Variants in GALNT13 observed in about 807,000 individuals in gnomAD.
GALNT13 encodes UDP-GalNAc:polypeptide N-acetylgalactosaminyltransferase 13.
Under a neutral mutation model 64.2 loss-of-function variants are expected in GALNT13, and 28 were observed. The ratio of observed to expected loss-of-function variants is 0.44; its 90% CI spans 0.32 to 0.60. The LOEUF (loss-of-function observed/expected upper bound fraction) is 0.60, where lower values mean the gene tolerates loss of function less well. Among genes scored for constraint, GALNT13 ranks in the 20% least tolerant of loss-of-function variants. The probability of loss-of-function intolerance (pLI) is 0.05; values close to 1 mark genes in which losing one functional copy is unlikely to be tolerated. For synonymous variants in GALNT13, 214 were observed against 224.6 expected (o/e 0.95, Z 0.42); for missense variants, 577 against 669.8 (o/e 0.86, Z 1.53).
At chr2:153,286,412 G>A in the GALNT13 span, among the ~76,000 whole-genome samples, 2 of 152,048 alleles carry the variant, frequency 1.3e-5, no homozygotes, top group Admixed American at 1.3e-4. Flanking sequence ...TAATAACACA[G>A]AGAACCTAAA....
the GALNT13 span, among the ~76,000 whole-genome samples, chr2:153,528,255 G>A: frequency 6.6e-6 from 1 of 151,710 alleles, no homozygotes; most frequent in Non-Finnish European, 1.5e-5. Context: ...GCCAATGGAA[G>A]CCAAAAAAGA....
the GALNT13 span, among the ~76,000 whole-genome samples, chr2:153,590,628 A>G: frequency 6.6e-6 from 1 of 152,120 alleles, no homozygotes; most frequent in South Asian, 2.1e-4. Flanking sequence ...AAAAAACACA[A>G]TAAAGTAAGT....
At chr2:154,339,423 A>G (rs1039986615) in intron 9 of GALNT13, among the ~76,000 whole-genome samples, 8 of 152,140 alleles carry the variant, frequency 5.3e-5, no homozygotes, top group African/African-American at 1.7e-4. Flanking sequence ...ACTTTAGGTT[A>G]GAATTAACCC....
chr2:154,236,670 TTGCCATC>T (rs1186246798), intron 4 of GALNT13, among the ~76,000 whole-genome samples: 1 of 152,070 alleles, frequency 6.6e-6, no homozygotes, highest in Admixed American at 6.6e-5. Flanking sequence ...AAAATTGCTA[TTGCCATC>T]TGCCACTTTT....
At chr2:153,780,260 C>CATATATATATATATATATATATGCAT in the GALNT13 span, among the ~76,000 whole-genome samples, 7 of 115,278 alleles carry the variant, frequency 6.1e-5, no homozygotes, top group African/African-American at 2.5e-4. Flanking sequence ...TATATATATG[C>CATATATATATATATATATATATGCAT]ATATATATAT....
At chr2:154,263,014 G>C (rs755342755) in intron 8 of GALNT13, among the ~76,000 whole-genome samples, 87 of 152,044 alleles carry the variant, frequency 5.7e-4, no homozygotes, top group African/African-American at 2.0e-3. Context: ...AATATCATGG[G>C]GAGCAGCATT....
At chr2:153,805,241 G>A in the GALNT13 span, among the ~76,000 whole-genome samples, 1 of 151,642 alleles carries the variant, frequency 6.6e-6, no homozygotes, top group Non-Finnish European at 1.5e-5. Flanking sequence ...ATCAAAGCAA[G>A]GGTATAGAAA....
the GALNT13 span, among the ~76,000 whole-genome samples, chr2:153,774,814 G>A: frequency 6.6e-6 from 1 of 152,148 alleles, no homozygotes; most frequent in African/African-American, 2.4e-5. Flanking sequence ...AGTGGTTGAG[G>A]CAGGAGGATT....
chr2:153,554,190 G>T, the GALNT13 span, among the ~76,000 whole-genome samples: 3 of 151,856 alleles, frequency 2.0e-5, no homozygotes, highest in Non-Finnish European at 4.4e-5. Context: ...AGCCAGGCGT[G>T]GTGATGGGTG....
chr2:153,502,613 G>C, the GALNT13 span, among the ~76,000 whole-genome samples: 5 of 152,198 alleles, frequency 3.3e-5, no homozygotes, highest in African/African-American at 9.7e-5. Context: ...CTAGTAGTAG[G>C]ATTGTTGGAT....
the GALNT13 span, among the ~76,000 whole-genome samples, chr2:153,754,989 A>T: frequency 6.6e-6 from 1 of 152,134 alleles, no homozygotes; most frequent in Admixed American, 6.6e-5. Context: ...ACTGTGTTCA[A>T]TGCCTCAAAA....
chr2:153,096,218 G>A, the GALNT13 span, among the ~76,000 whole-genome samples: 7 of 151,944 alleles, frequency 4.6e-5, no homozygotes, highest in African/African-American at 1.7e-4. Flanking sequence ...TGTGGTCAGA[G>A]AAGATACTTG....
chr2:154,378,267 T>C (rs938080858), intron 9 of GALNT13, among the ~76,000 whole-genome samples: 2 of 152,134 alleles, frequency 1.3e-5, no homozygotes, highest in African/African-American at 4.8e-5. Context: ...GAAGTAATCA[T>C]TTATCACAAA....
chr2:153,618,029 T>C, the GALNT13 span, among the ~76,000 whole-genome samples: 1 of 152,008 alleles, frequency 6.6e-6, no homozygotes, highest in Admixed American at 6.6e-5. Context: ...CATTTATTTC[T>C]ACTGTGATCT....
At position 154,041,598 on chromosome 2, in the gene GALNT13, T is replaced by C. The variant is rs960332832; in HGVS notation, c.142+96959T>C. Among the ~76,000 whole-genome samples, 2 of 140,690 alleles carry C rather than the reference T, an allele frequency of 1.4e-5. 1 individual carries two copies. The highest frequency in any genetic ancestry group is 3.3e-5 in the Non-Finnish European group (2 of 61,292). 92.3% of individuals were successfully genotyped at this position (140,690 alleles called of 152,430 possible). On this transcript the variant is annotated intron_variant, in intron 3 of 12. Coordinates refer to ENST00000392825, the MANE Select transcript of GALNT13 (RefSeq NM_052917.4). The stretch of plus-strand genomic sequence containing the variant: ...TAGCTGGCTTTGAAACCTATTGACA[T>C]GTGAGAAGTTCAGAGTTCCTTCAGC...
chr2:154,115,668 G>T (rs993862107), intron 3 of GALNT13, among the ~76,000 whole-genome samples: 1 of 151,932 alleles, frequency 6.6e-6, no homozygotes, highest in African/African-American at 2.4e-5. Flanking sequence ...TGATCTGCCC[G>T]TCTCAGCCTC....
the GALNT13 span, among the ~76,000 whole-genome samples, chr2:153,563,939 T>C: frequency 1.3e-5 from 2 of 152,292 alleles, no homozygotes; most frequent in South Asian, 4.1e-4. Context: ...TTTCACAAAT[T>C]GTTCTTACCT....
the GALNT13 span, among the ~76,000 whole-genome samples, chr2:153,629,661 C>T: frequency 3.3e-5 from 5 of 152,004 alleles, no homozygotes; most frequent in Admixed American, 3.3e-4. Context: ...TCTAATTAAA[C>T]TAAAGAGCTT....
At chr2:154,153,102 G>A (rs928070309) in intron 4 of GALNT13, among the ~76,000 whole-genome samples, 2 of 152,132 alleles carry the variant, frequency 1.3e-5, no homozygotes, top group Non-Finnish European at 2.9e-5. Context: ...CGTACAGATG[G>A]GTTTTTGGTG....
Sources: gnomAD v4.1 joint callset for allele counts (sites outside exome capture counted in the v4.1 genomes callset) on GRCh38, gnomAD v4.1.1 for gene constraint, MANE v1.5 for transcripts, NCBI Gene and HGNC (gene_info 2026-07-23, HGNC 2026-07-21) for gene names.